The following CSMD3 variants were observed in gnomAD, a reference collection of about 807,000 sequenced individuals.
The protein encoded by CSMD3 is CUB and Sushi multiple domains 3.
CSMD3 carries 177 observed loss-of-function variants against 435.2 expected under a neutral mutation model. The ratio of observed to expected loss-of-function variants is 0.41; its 90% CI spans 0.36 to 0.46. CSMD3 has a LOEUF of 0.46. Among genes scored for constraint, CSMD3 ranks in the 20% least tolerant of loss-of-function variants. CSMD3 has a pLI of 0.34. For synonymous variants in CSMD3, 1,656 were observed against 1,520.5 expected (o/e 1.09, Z -2.07); for missense variants, 4,265 against 4,504.6 (o/e 0.95, Z 1.52).
At chr8:112,498,840 G>A (rs1224168565) in intron 30 of CSMD3, among the ~76,000 whole-genome samples, 1 of 150,928 alleles carries the variant, frequency 6.6e-6, no homozygotes, top group East Asian at 2.0e-4. Flanking sequence ...ACAGGAATCA[G>A]CTCCAAGGTT....
intron 6 of CSMD3, among the ~76,000 whole-genome samples, chr8:112,995,350 G>A (rs2085611077): frequency 6.6e-6 from 1 of 151,352 alleles, no homozygotes; most frequent in African/African-American, 2.4e-5. Flanking sequence ...ATAATGTGAG[G>A]GGAATTAGTA....
chr8:112,950,054 T>A (rs1484538043), intron 8 of CSMD3, among the ~76,000 whole-genome samples: 1 of 152,036 alleles, frequency 6.6e-6, no homozygotes, highest in Non-Finnish European at 1.5e-5. Context: ...ATTTTTTATT[T>A]AATTTAAAAT....
chr8:112,519,255 T>C (rs1414348170), intron 27 of CSMD3, among the ~76,000 whole-genome samples: 4 of 152,142 alleles, frequency 2.6e-5, no homozygotes, highest in Non-Finnish European at 5.9e-5. Context: ...TTAACATAAA[T>C]ATGCAAAGTA....
At chr8:112,577,528 T>G (rs912440927) in intron 23 of CSMD3, among the ~76,000 whole-genome samples, 1 of 152,068 alleles carries the variant, frequency 6.6e-6, no homozygotes, top group African/African-American at 2.4e-5. Flanking sequence ...TCTTTTTGTT[T>G]AATATGTATT....
At chr8:113,382,845 G>A (rs1299638300) in intron 1 of CSMD3, among the ~76,000 whole-genome samples, 9 of 152,092 alleles carry the variant, frequency 5.9e-5, no homozygotes, top group African/African-American at 2.2e-4. Context: ...GCCAGATGTG[G>A]TGGACCAGTC....
rs1324168670 is a variant in CSMD3 at position 112,927,370 on chromosome 8, T to C, written c.1509-5619A>G. 2.0e-5 allele frequency among the ~76,000 whole-genome samples: 3 copies of C among 152,122 alleles called. No individual in the cohort carries two copies. In the East Asian group the frequency reaches 5.8e-4, roughly 29 times the overall value. On this transcript the variant is annotated intron_variant, in intron 9 of 70. Transcript: ENST00000297405. ...AATTATTTCTTTCTTATTTCCTTCT[T>C]GTAAAATTGGAGCAAGTGAAGCTCC...
At chr8:112,533,912 CT>C (rs375075016) in intron 27 of CSMD3, among the ~76,000 whole-genome samples, 56 of 152,114 alleles carry the variant, frequency 3.7e-4, no homozygotes, top group African/African-American at 1.3e-3. Flanking sequence ...TTTGAATCAT[CT>C]TTTCTGACTA....
chr8:112,473,511 A>G (rs2130760004), intron 31 of CSMD3, among the ~76,000 whole-genome samples: 1 of 152,294 alleles, frequency 6.6e-6, no homozygotes, highest in South Asian at 2.1e-4. Context: ...AGGAGACACC[A>G]AAGGTTTAAA....
chr8:112,559,691 G>C (rs1436456703), intron 24 of CSMD3, among the ~76,000 whole-genome samples: 2 of 151,814 alleles, frequency 1.3e-5, no homozygotes, highest in Non-Finnish European at 2.9e-5. Context: ...GAAGGAACTG[G>C]AAAAGGACAC....
rs2093140782 is a variant in CSMD3 at position 113,235,773 on chromosome 8, A to C, written c.514+42819T>G. Among the ~76,000 whole-genome samples the C allele has an allele frequency of 2.0e-5, 3 of 152,088 alleles. No individual in the cohort carries two copies. The South Asian group carries it at 6.2e-4, about 32-fold the overall frequency. On this transcript the variant is annotated intron_variant, in intron 3 of 70. Coordinates refer to ENST00000297405, the MANE Select transcript of CSMD3 (RefSeq NM_198123.2). ...AGGATAAATAAGGTTAGGAGGCCAAACTGGCTTGTCCCCTTGTGTGAAGCC... is the reference window on the plus strand; with the variant it reads ...AGGATAAATAAGGTTAGGAGGCCAACCTGGCTTGTCCCCTTGTGTGAAGCC...
intron 13 of CSMD3, among the ~76,000 whole-genome samples, chr8:112,697,966 G>T (rs1420837804): frequency 6.6e-6 from 1 of 152,044 alleles, no homozygotes. Context: ...TATCAGAAAA[G>T]GTATAAAGCC....
intron 13 of CSMD3, among the ~76,000 whole-genome samples, chr8:112,755,382 T>A (rs984372298): frequency 6.8e-6 from 1 of 146,308 alleles, no homozygotes. Flanking sequence ...ATGAGGGCGA[T>A]TACCTCCATG....
At chr8:113,169,679 T>C (rs1432052119) in intron 4 of CSMD3, among the ~76,000 whole-genome samples, 3 of 152,322 alleles carry the variant, frequency 2.0e-5, no homozygotes, top group Non-Finnish European at 2.9e-5. Context: ...TAGTTTTTCC[T>C]GGGGTATGTG....
chr8:113,267,378 A>G (rs975514765), intron 3 of CSMD3, among the ~76,000 whole-genome samples: 4 of 151,780 alleles, frequency 2.6e-5, no homozygotes, highest in Non-Finnish European at 5.9e-5. Flanking sequence ...ATGAACAGAT[A>G]AAGAAAATAC....
chr8:113,422,667 G>A (rs1406321186), intron 1 of CSMD3, among the ~76,000 whole-genome samples: 1 of 151,944 alleles, frequency 6.6e-6, no homozygotes, highest in African/African-American at 2.4e-5. Flanking sequence ...TGTGAAAGAC[G>A]AAAACATGCA....
At chr8:112,241,676 T>C in intron 66 of CSMD3, 44 bp downstream of exon 66, 2 of 1,378,088 alleles carry the variant, frequency 1.5e-6, no homozygotes, top group Non-Finnish European at 2.1e-6. Flanking sequence ...AGTAGACCAT[T>C]TTTAGAAATA....
intron 10 of CSMD3, among the ~76,000 whole-genome samples, chr8:112,881,804 T>C (rs2081455514): frequency 6.6e-6 from 1 of 151,976 alleles, no homozygotes. Flanking sequence ...GAACAAATTC[T>C]TCCCGATTAG....
chr8:112,600,252 C>G (rs980129324), intron 22 of CSMD3, among the ~76,000 whole-genome samples: 1 of 151,934 alleles, frequency 6.6e-6, no homozygotes, highest in Non-Finnish European at 1.5e-5. Context: ...CCAAAAATGA[C>G]AAGAAATTCT....
At chr8:113,337,944 A>G (rs985420089) in intron 1 of CSMD3, among the ~76,000 whole-genome samples, 4 of 152,054 alleles carry the variant, frequency 2.6e-5, no homozygotes, top group Non-Finnish European at 5.9e-5. Context: ...GTTGTAGGCA[A>G]TAAATATATG....
Sources: gnomAD v4.1 joint callset for allele counts (sites outside exome capture counted in the v4.1 genomes callset) on GRCh38, gnomAD v4.1.1 for gene constraint, MANE v1.5 for transcripts, NCBI Gene and HGNC (gene_info 2026-07-23, HGNC 2026-07-21) for gene names.